The following INSR variants were observed in gnomAD, a reference collection of about 807,000 sequenced individuals.
INSR encodes the protein insulin receptor.
INSR carries 67 observed loss-of-function variants against 142.6 expected under a neutral mutation model. That is an observed-to-expected ratio of 0.47 (90% confidence interval 0.39 to 0.58). INSR has a LOEUF of 0.58. Ranked by LOEUF, INSR falls within the 20% of genes least tolerant of loss-of-function variation. The probability of loss-of-function intolerance (pLI) is 0.00; values close to 1 mark genes in which losing one functional copy is unlikely to be tolerated. For synonymous variants in INSR, 756 were observed against 743.1 expected (o/e 1.02, Z -0.28); for missense variants, 1,248 against 1,833.2 (o/e 0.68, Z 5.83).
At chr19:7,138,074 C>T (rs1280845676) in intron 13 of INSR, among the ~76,000 whole-genome samples, 1 of 151,576 alleles carries the variant, frequency 6.6e-6, no homozygotes, top group African/African-American at 2.4e-5. Context: ...CGCCATTCTC[C>T]TGCCTCAGCC....
At chr19:7,171,617 C>T (rs1174872034) in intron 5 of INSR, among the ~76,000 whole-genome samples, 2 of 152,086 alleles carry the variant, frequency 1.3e-5, no homozygotes, top group East Asian at 3.9e-4. Context: ...GATGGACAAC[C>T]GGGACTAAGA....
chr19:7,132,053 G>C (rs1972796039), intron 14 of INSR, 105 bp downstream of exon 14: 1 of 1,421,240 alleles, frequency 7.0e-7, no homozygotes, highest in South Asian at 1.2e-5. Flanking sequence ...GAGAGTCAAG[G>C]CCAGGGCCAG....
chr19:7,239,599 A>G (rs546908301), intron 2 of INSR, among the ~76,000 whole-genome samples: 11 of 152,222 alleles, frequency 7.2e-5, no homozygotes, highest in African/African-American at 2.4e-4. Flanking sequence ...CTGAACATCA[A>G]TCCTAGAAAA....
At chr19:7,264,306 C>G (rs949253984) in intron 2 of INSR, among the ~76,000 whole-genome samples, 2 of 152,126 alleles carry the variant, frequency 1.3e-5, no homozygotes, top group African/African-American at 4.8e-5. Flanking sequence ...GTACTCCAGC[C>G]TGGGTGACAG....
At chr19:7,167,239 C>T (rs1353789037) in intron 7 of INSR, among the ~76,000 whole-genome samples, 2 of 152,152 alleles carry the variant, frequency 1.3e-5, no homozygotes, top group African/African-American at 2.4e-5. Flanking sequence ...TGTGTCAGTG[C>T]TCAGCAAGGC....
intron 15 of INSR, 136 bp downstream of exon 15, chr19:7,128,716 T>C (rs565018340): frequency 3.3e-4 from 223 of 670,554 alleles, no homozygotes; most frequent in Non-Finnish European, 5.6e-4. Context: ...ATGACAATTA[T>C]CTGTAAATTG....
rs1600141180 is a variant in INSR, at chr19:7,293,817, G to A, written c.75C>T (p.Ala25=). 7.4e-7 allele frequency: 1 copy of A among 1,353,278 alleles called. No homozygotes were observed. Among genetic ancestry groups the A allele is most frequent in the Non-Finnish European group, 9.5e-7 (1 of 1,048,584 alleles). The allele number at this position is 1,353,278 out of a possible 1,614,324, so 83.8% of individuals were successfully genotyped here. The change falls in exon 1 of 22, where the codon GCC becomes GCT. Residue 25 remains alanine, a synonymous_variant. Coordinates refer to ENST00000302850, the MANE Select transcript of INSR (RefSeq NM_000208.4). ...CCTCTCCGGGGTACAGGTGGCCCGC[G>A]GCGCCCAGTAGCAGCGCGGCCACCG... ...LVAVAALLLG[A]AGHLYPGEVC...
In INSR at chr19:7,216,789, G is replaced by A. The variant is rs1045401178; in HGVS notation, c.653-32152C>T. Among the ~76,000 whole-genome samples the A allele has an allele frequency of 2.0e-5, 3 of 152,022 alleles. No homozygotes were observed. The highest frequency in any genetic ancestry group is 2.9e-5 in the Non-Finnish European group (2 of 68,008). On this transcript the variant is annotated intron_variant, in intron 2 of 21. Transcript: ENST00000302850. The surrounding 1 kb of genome is among the most constrained non-coding windows in gnomAD (Gnocchi z 4.2). ...ATTTCCCATTGCTGCTGTCACAAAC[G>A]CCCACAAATGTAAAACGACATACAT...
intron 2 of INSR, among the ~76,000 whole-genome samples, chr19:7,245,318 A>G (rs1055319776): frequency 3.9e-5 from 6 of 152,146 alleles, no homozygotes; most frequent in Non-Finnish European, 7.3e-5. Flanking sequence ...AAGGTGTAAT[A>G]GGGAAAAAAC....
chr19:7,134,847 G>T (rs1972868548), intron 13 of INSR, among the ~76,000 whole-genome samples: 1 of 151,844 alleles, frequency 6.6e-6, no homozygotes, highest in African/African-American at 2.4e-5. Context: ...AAACAGTTGG[G>T]ATCCACCCAA....
intron 1 of INSR, among the ~76,000 whole-genome samples, chr19:7,281,337 AAC>A (rs34319011): frequency 0.56 from 83,640 of 150,532 alleles, 23,743 homozygotes; most frequent in African/African-American, 0.67. Flanking sequence ...ACAACAAACA[AAC>A]ACACACACAC....
chr19:7,230,663 C>T (rs1265561232), intron 2 of INSR, among the ~76,000 whole-genome samples: 1 of 151,920 alleles, frequency 6.6e-6, no homozygotes, highest in Non-Finnish European at 1.5e-5. Flanking sequence ...AAAAATTAGC[C>T]GGGTGTGGTG....
At chr19:7,244,868 G>A (rs1178784072) in intron 2 of INSR, among the ~76,000 whole-genome samples, 1 of 151,668 alleles carries the variant, frequency 6.6e-6, no homozygotes, top group Non-Finnish European at 1.5e-5. Flanking sequence ...CTGGGAAATG[G>A]GTTATGTTTT....
At chr19:7,132,001 G>T (rs1365952466) in intron 14 of INSR, among the ~76,000 whole-genome samples, 157 bp downstream of exon 14, 1 of 150,570 alleles carries the variant, frequency 6.6e-6, no homozygotes, top group Non-Finnish European at 1.5e-5. Flanking sequence ...AAAAAAAAGT[G>T]CAGGATCAAA....
chr19:7,195,147 T>C (rs185812658), intron 2 of INSR, among the ~76,000 whole-genome samples: 4 of 152,320 alleles, frequency 2.6e-5, no homozygotes, highest in East Asian at 1.9e-4. Context: ...TACTGAGCCT[T>C]ACGGGAAATG....
chr19:7,271,148 A>T (rs1379434579), intron 1 of INSR, among the ~76,000 whole-genome samples: 1 of 152,190 alleles, frequency 6.6e-6, no homozygotes, highest in Non-Finnish European at 1.5e-5. Flanking sequence ...ATACCACTTT[A>T]TCCCCACTAG....
intron 1 of INSR, among the ~76,000 whole-genome samples, chr19:7,271,256 G>A (rs977022255): frequency 5.3e-5 from 8 of 152,088 alleles, no homozygotes; most frequent in Non-Finnish European, 1.2e-4. Context: ...AGTTCTTTGG[G>A]AAGCCAAGAT....
rs747049785 is a variant in INSR at position 7,172,417 on chromosome 19, G to T, written c.1141C>A (p.Leu381Ile). The stretch of plus-strand genomic sequence containing the variant: ...TCAATGAGGCCGAGGTTGGCTTCTA[G>T]CTCAGCTGCCAGATTGTCTAAGGAA... ...IRGGNNLAAE[L>I]EANLGLIEEI... The change falls in exon 5 of 22, where the codon CTA (leucine) becomes ATA (isoleucine). Residue 381 changes from leucine (L) to isoleucine (I), a missense_variant. By Grantham distance (5) the Leu-to-Ile change is conservative. Around this residue, in one of 3 missense-constraint regions of INSR, gnomAD observed 1,069 missense variants for 1,654.0 expected, o/e 0.65. Transcript: ENST00000302850. 2 of 1,613,924 alleles carry T rather than the reference G, an allele frequency of 1.2e-6. No individual in the cohort carries two copies. The highest frequency in any genetic ancestry group is 1.7e-6 in the Non-Finnish European group (2 of 1,180,000).
chr19:7,221,181 C>T (rs1189857509), intron 2 of INSR, among the ~76,000 whole-genome samples: 1 of 151,460 alleles, frequency 6.6e-6, no homozygotes, highest in Non-Finnish European at 1.5e-5. Flanking sequence ...TGAGACTAAC[C>T]TGGCCAACGT....
Sources: allele counts gnomAD v4.1 joint callset (sites outside exome capture counted in the v4.1 genomes callset), GRCh38; gene constraint gnomAD v4.1.1; regional missense constraint gnomAD v4.1.1; non-coding constraint Gnocchi (gnomAD v3.1); transcripts MANE v1.5; gene names NCBI Gene and HGNC (gene_info 2026-07-23, HGNC 2026-07-21).